The following BNC2 variants were observed in gnomAD, a reference collection of about 807,000 sequenced individuals.
BNC2 encodes the protein basonuclin zinc finger protein 2.
BNC2 carries 20 observed loss-of-function variants against 76.3 expected under a neutral mutation model. That is an observed-to-expected ratio of 0.26 (90% CI 0.18 to 0.38). The LOEUF (loss-of-function observed/expected upper bound fraction) is 0.38. Among genes scored for constraint, BNC2 ranks in the 10% least tolerant of loss-of-function variants. The pLI is 1.00. For synonymous variants in BNC2, 582 were observed against 514.8 expected (o/e 1.13, Z -1.77); for missense variants, 1,382 against 1,399.8 (o/e 0.99, Z 0.20).
intron 1 of BNC2, among the ~76,000 whole-genome samples, chr9:16,739,487 G>T (rs1020593202): frequency 1.3e-5 from 2 of 152,180 alleles, no homozygotes; most frequent in Admixed American, 1.3e-4. Context: ...TGGCCAAAAT[G>T]GTGAAACCCC....
intron 5 of BNC2, among the ~76,000 whole-genome samples, chr9:16,461,693 G>T (rs1821586055): frequency 6.6e-6 from 1 of 152,100 alleles, no homozygotes; most frequent in Non-Finnish European, 1.5e-5. Context: ...CATCACCAGG[G>T]ACTGCTCGCT....
At chr9:16,632,163 T>C (rs1821180134) in intron 3 of BNC2, among the ~76,000 whole-genome samples, 1 of 152,202 alleles carries the variant, frequency 6.6e-6, no homozygotes, top group Non-Finnish European at 1.5e-5. Context: ...ACTACCCATG[T>C]CATCTTGCAT....
chr9:16,586,213 A>G (rs893952889), intron 3 of BNC2, among the ~76,000 whole-genome samples: 1 of 152,108 alleles, frequency 6.6e-6, no homozygotes, highest in Non-Finnish European at 1.5e-5. Context: ...AGCTGAATGG[A>G]GGCAGCAGTG....
At chr9:16,765,947 T>C (rs985105619) in intron 1 of BNC2, among the ~76,000 whole-genome samples, 13 of 152,060 alleles carry the variant, frequency 8.5e-5, no homozygotes, top group East Asian at 1.9e-4. Flanking sequence ...CCACCACGCC[T>C]GGCTAATTTT....
intron 3 of BNC2, among the ~76,000 whole-genome samples, chr9:16,669,692 C>A (rs895628920): frequency 6.6e-6 from 1 of 152,166 alleles, no homozygotes; most frequent in African/African-American, 2.4e-5. Context: ...TCTACCTGCA[C>A]AAATAGAGAA....
At chr9:16,503,089 T>C (rs1822554548) in intron 5 of BNC2, among the ~76,000 whole-genome samples, 2 of 152,188 alleles carry the variant, frequency 1.3e-5, no homozygotes, top group South Asian at 2.1e-4. Flanking sequence ...AGAAGAGAAA[T>C]TGCGCACAGT....
intron 3 of BNC2, among the ~76,000 whole-genome samples, chr9:16,679,443 C>T (rs1822757664): frequency 1.3e-5 from 2 of 152,144 alleles, no homozygotes; most frequent in South Asian, 4.1e-4. Flanking sequence ...TAATATAATT[C>T]AATTTCTTTT....
intron 3 of BNC2, among the ~76,000 whole-genome samples, chr9:16,673,182 C>T (rs1351836407): frequency 1.3e-5 from 2 of 152,030 alleles, no homozygotes; most frequent in Non-Finnish European, 2.9e-5. Flanking sequence ...AACAAAATTC[C>T]TCTGCATATC....
At chr9:16,751,698 A>ATGTATGTATGTGTGTGTG (rs1825215376) in intron 1 of BNC2, among the ~76,000 whole-genome samples, 1 of 140,278 alleles carries the variant, frequency 7.1e-6, no homozygotes, top group South Asian at 2.3e-4. Flanking sequence ...GTGTGTATAT[A>ATGTATGTATGTGTGTGTG]TATATATATG....
At chr9:16,847,391 T>G in intron 1 of BNC2, among the ~76,000 whole-genome samples, 1 of 7,180 alleles carries the variant, frequency 1.4e-4, no homozygotes, top group African/African-American at 4.3e-4. Flanking sequence ...TCTCTGAAGA[T>G]TTCTCGGGGC....
chr9:16,552,818 A>G (rs1818707608), intron 4 of BNC2, 53 bp from the exon 5 acceptor site: 9 of 1,436,888 alleles, frequency 6.3e-6, no homozygotes, highest in Non-Finnish European at 8.8e-6. Context: ...AATAAGATAA[A>G]GAGAGAGAAC....
chr9:16,574,121 G>T (rs1217634901), intron 4 of BNC2, among the ~76,000 whole-genome samples: 1 of 152,156 alleles, frequency 6.6e-6, no homozygotes, highest in African/African-American at 2.4e-5. Flanking sequence ...AGTAAAAGGA[G>T]AGGAGTTGAG....
chr9:16,790,419 T>C (rs1418609927), intron 1 of BNC2, among the ~76,000 whole-genome samples: 5 of 152,250 alleles, frequency 3.3e-5, no homozygotes, highest in Non-Finnish European at 7.3e-5. Flanking sequence ...AGTATATTTA[T>C]TTAGTACTCT....
In BNC2 at chr9:16,784,133, G is replaced by A. The variant is rs1049118641; in HGVS notation, c.4-45648C>T. On this transcript the variant is annotated intron_variant, in intron 1 of 6. Transcript: ENST00000380672. ...AGAAACAAACATGACTATCTTCTTA[G>A]TCAAAAAGACTTTCCTGCCACACTG... is the stretch of plus-strand genomic sequence containing the variant. Among the ~76,000 whole-genome samples, 8 of 152,134 alleles carry A rather than the reference G, an allele frequency of 5.3e-5. No individual in the cohort carries two copies. The East Asian group carries it at 1.3e-3, about 26-fold the overall frequency.
chr9:16,463,171 C>T (rs984433875), intron 5 of BNC2, among the ~76,000 whole-genome samples: 6 of 152,008 alleles, frequency 3.9e-5, no homozygotes, highest in Admixed American at 6.6e-5. Flanking sequence ...GAAAATGAGA[C>T]AGGAGTTAAC....
intron 3 of BNC2, among the ~76,000 whole-genome samples, chr9:16,583,366 C>T (rs909820890): frequency 2.6e-5 from 4 of 152,014 alleles, no homozygotes; most frequent in African/African-American, 9.7e-5. Flanking sequence ...GATAAGATAC[C>T]GGATTTACGA....
intron 3 of BNC2, among the ~76,000 whole-genome samples, chr9:16,685,799 G>A (rs939830064): frequency 3.9e-5 from 6 of 152,202 alleles, no homozygotes; most frequent in African/African-American, 1.4e-4. Context: ...TGAATACCAT[G>A]TAACAAAGTT....
Position 16,787,417 on chromosome 9 carries a change from G to A in BNC2, c.4-48932C>T, listed in dbSNP as rs150724183. The stretch of plus-strand genomic sequence containing the variant: ...TGTGCATGAAAGAGTATGGACTCTG[G>A]AGCCACGCTGCCTGAGTTTAAATCC... On this transcript the variant is annotated intron_variant, in intron 1 of 6. Transcript: ENST00000380672. Among the ~76,000 whole-genome samples the A allele has an allele frequency of 3.5e-3, 533 of 152,314 alleles. 2 individuals carry two copies. Among genetic ancestry groups the A allele is most frequent in the Middle Eastern group, 0.014 (4 of 294 alleles).
At chr9:16,429,279 CT>C (rs1820860569) in intron 6 of BNC2, 1 of 152,200 alleles carries the variant, frequency 6.6e-6, no homozygotes, top group African/African-American at 2.4e-5. Context: ...AGCCTTTCAT[CT>C]AAGACAAAAC....
Sources: gnomAD v4.1 joint callset for allele counts (sites outside exome capture counted in the v4.1 genomes callset) on GRCh38, gnomAD v4.1.1 for gene constraint, MANE v1.5 for transcripts, NCBI Gene and HGNC (gene_info 2026-07-23, HGNC 2026-07-21) for gene names.